The following STK3 variants were observed in gnomAD, a reference collection of about 807,000 sequenced individuals.
STK3 encodes serine/threonine kinase 3, also known as serine/threonine-protein kinase 3.
In STK3, 41 loss-of-function variants were observed where a neutral mutation model predicts 58.0. The ratio of observed to expected loss-of-function variants is 0.71; its 90% CI spans 0.55 to 0.92. The LOEUF is 0.92. Ranked by LOEUF, STK3 falls within the 40% of genes least tolerant of loss-of-function variation. The pLI, the probability that STK3 is intolerant of heterozygous loss-of-function variation, is 0.00. For missense variants in STK3, 479 were observed against 602.7 expected, an observed-to-expected ratio of 0.79 and a Z score of 2.15; for synonymous variants, 170 against 191.0, an observed-to-expected ratio of 0.89 and a Z score of 0.91.
chr8:98,539,942 C>T (rs1189858528), intron 9 of STK3, among the ~76,000 whole-genome samples: 4 of 152,090 alleles, frequency 2.6e-5, no homozygotes, highest in African/African-American at 4.8e-5. Context: ...TTAGTAGAGA[C>T]GGGGTTTCAC....
intron 10 of STK3, among the ~76,000 whole-genome samples, chr8:98,515,830 T>G (rs1235884296): frequency 1.3e-5 from 2 of 152,024 alleles, no homozygotes; most frequent in Non-Finnish European, 2.9e-5. Context: ...TTAGGGTACA[T>G]GTGCACAATG....
rs1044440001 is a variant in STK3 at position 98,456,859 on chromosome 8, C to T, written c.1318-859G>A. On this transcript the variant is annotated intron_variant, in intron 10 of 10. Coordinates refer to ENST00000419617, the MANE Select transcript of STK3 (RefSeq NM_006281.4). Reference sequence around the variant, plus strand: ...CTTATAGTCATCCAAAGTAGCATTTCTCAGCAGATCCTTTTACTCGCCATC... The same window carrying T: ...CTTATAGTCATCCAAAGTAGCATTTTTCAGCAGATCCTTTTACTCGCCATC... Among the ~76,000 whole-genome samples the T allele has an allele frequency of 2.6e-5, 4 of 152,362 alleles. No homozygotes were observed. The South Asian group carries it at 6.2e-4, about 24-fold the overall frequency.
At chr8:98,688,156 G>C (rs1445957716) in intron 6 of STK3, among the ~76,000 whole-genome samples, 1 of 152,102 alleles carries the variant, frequency 6.6e-6, no homozygotes, top group African/African-American at 2.4e-5. Flanking sequence ...ACAAACGACT[G>C]TAAAAAAGGA....
intron 1 of STK3, among the ~76,000 whole-genome samples, chr8:98,923,848 T>TGC (rs1312187106): frequency 4.2e-5 from 5 of 120,174 alleles, no homozygotes; most frequent in African/African-American, 1.7e-4. Flanking sequence ...TGTGTGTGTG[T>TGC]GTGTGTGCGC....
intron 1 of STK3, among the ~76,000 whole-genome samples, chr8:98,902,972 C>A (rs1191384210): frequency 6.6e-6 from 1 of 152,208 alleles, no homozygotes; most frequent in Admixed American, 6.5e-5. Context: ...GCCTCTCAAT[C>A]ACCACTGTCC....
At chr8:98,644,946 T>C (rs1445846825) in intron 6 of STK3, among the ~76,000 whole-genome samples, 2 of 152,216 alleles carry the variant, frequency 1.3e-5, no homozygotes, top group African/African-American at 4.8e-5. Context: ...CATGTGTCTC[T>C]TTCCCGGTCC....
intron 1 of STK3, among the ~76,000 whole-genome samples, chr8:98,821,943 C>T (rs1180173915): frequency 9.9e-5 from 15 of 152,072 alleles, no homozygotes; most frequent in Non-Finnish European, 2.9e-5. Flanking sequence ...GAAGAAGATG[C>T]CCAAAGAAGC....
At chr8:98,755,270 G>T (rs1830220312) in intron 3 of STK3, among the ~76,000 whole-genome samples, 1 of 152,180 alleles carries the variant, frequency 6.6e-6, no homozygotes, top group Non-Finnish European at 1.5e-5. Context: ...ATGCACTAGT[G>T]AAACACACAT....
chr8:98,757,400 C>T (rs953101163), intron 3 of STK3, among the ~76,000 whole-genome samples: 1 of 150,738 alleles, frequency 6.6e-6, no homozygotes, highest in African/African-American at 2.4e-5. Context: ...TCGAGACCAG[C>T]CTGACCAACA....
chr8:98,791,236 T>C (rs1449401082), intron 1 of STK3, among the ~76,000 whole-genome samples: 1 of 151,904 alleles, frequency 6.6e-6, no homozygotes, highest in Non-Finnish European at 1.5e-5. Context: ...CAAAAATAAA[T>C]AAAATACTTA....
At position 98,687,457 on chromosome 8, in the gene STK3, C is replaced by G. The variant is rs551150883; in HGVS notation, c.684+19010G>C. Among the ~76,000 whole-genome samples, 6 of 152,274 alleles carry G rather than the reference C, an allele frequency of 3.9e-5. No homozygotes were observed. The East Asian group carries it at 1.2e-3, about 29-fold the overall frequency. The stretch of plus-strand genomic sequence containing the variant: ...CGGAGCTTAGGCTGTAATTCTTGAT[C>G]GCCCACCGCCCACCTCCAGCTGTGT... On this transcript the variant is annotated intron_variant, in intron 6 of 10. Transcript: ENST00000419617.
At chr8:98,414,081 C>T (rs1014152856) in intron 3 of STK3, among the ~76,000 whole-genome samples, 2 of 152,058 alleles carry the variant, frequency 1.3e-5, no homozygotes, top group East Asian at 3.9e-4. Context: ...CTGGCCAACA[C>T]GGTGAAACCC....
chr8:98,361,583 C>T, the STK3 span, among the ~76,000 whole-genome samples: 1 of 152,118 alleles, frequency 6.6e-6, no homozygotes, highest in Non-Finnish European at 1.5e-5. Flanking sequence ...TATTTATGAT[C>T]TTAACAAAAA....
At chr8:98,749,028 C>A (rs926658029) in intron 4 of STK3, among the ~76,000 whole-genome samples, 27 of 151,712 alleles carry the variant, frequency 1.8e-4, no homozygotes, top group Admixed American at 1.8e-3. Flanking sequence ...AGAGAAGTAC[C>A]ATGGTAGTTT....
At chr8:98,751,449 T>G (rs1185935492) in intron 3 of STK3, among the ~76,000 whole-genome samples, 1 of 152,134 alleles carries the variant, frequency 6.6e-6, no homozygotes, top group Non-Finnish European at 1.5e-5. Flanking sequence ...CTAGCATTCC[T>G]ATATACCAAC....
intron 6 of STK3, among the ~76,000 whole-genome samples, chr8:98,651,023 C>T (rs568106640): frequency 3.2e-4 from 48 of 152,324 alleles, no homozygotes; most frequent in African/African-American, 2.4e-4. Flanking sequence ...GATCTGAGAA[C>T]GGGCAGACTG....
At chr8:98,665,145 T>C (rs1401188123) in intron 6 of STK3, among the ~76,000 whole-genome samples, 2 of 152,240 alleles carry the variant, frequency 1.3e-5, no homozygotes, top group Non-Finnish European at 2.9e-5. Flanking sequence ...TATCTTTACC[T>C]ACTTTCTCAT....
chr8:98,507,719 A>T (rs963660791), intron 10 of STK3, among the ~76,000 whole-genome samples: 3 of 152,150 alleles, frequency 2.0e-5, no homozygotes, highest in Non-Finnish European at 4.4e-5. Context: ...GCTGCCCAAA[A>T]TCAATGTATC....
At chr8:98,371,971 A>G (rs2130990049) in intron 2 of STK3, among the ~76,000 whole-genome samples, 1 of 152,262 alleles carries the variant, frequency 6.6e-6, no homozygotes, top group South Asian at 2.1e-4. Context: ...AGTCATACTG[A>G]GTGGGATCAG....
Sources: allele counts gnomAD v4.1 joint callset (sites outside exome capture counted in the v4.1 genomes callset), GRCh38; gene constraint gnomAD v4.1.1; transcripts MANE v1.5; gene names NCBI Gene and HGNC (gene_info 2026-07-23, HGNC 2026-07-21).